PLCL1: variants seen among roughly 807,000 people sequenced by gnomAD.
PLCL1 encodes phospholipase C like 1 (inactive), also known as inactive phospholipase C-like protein 1.
PLCL1 carries 41 observed loss-of-function variants against 84.4 expected under a neutral mutation model. The ratio of observed to expected loss-of-function variants is 0.49; its 90% confidence interval spans 0.38 to 0.63. The LOEUF (loss-of-function observed/expected upper bound fraction) is 0.63. PLCL1 is among the 30% of genes least tolerant of loss of function. The probability of loss-of-function intolerance (pLI) is 0.00; values close to 1 mark genes in which losing one functional copy is unlikely to be tolerated. For synonymous variants in PLCL1, 490 were observed against 488.3 expected (o/e 1.00, Z -0.05); for missense variants, 1,206 against 1,367.8 (o/e 0.88, Z 1.87).
intron 1 of PLCL1, among the ~76,000 whole-genome samples, chr2:197,940,612 G>A (rs528154009): frequency 6.6e-6 from 1 of 152,262 alleles, no homozygotes; most frequent in East Asian, 1.9e-4. Context: ...TAAAGCCATG[G>A]ATCAGCTGCC....
At chr2:198,132,640 T>A (rs1274769667) in intron 5 of PLCL1, among the ~76,000 whole-genome samples, 2 of 152,130 alleles carry the variant, frequency 1.3e-5, no homozygotes, top group African/African-American at 4.8e-5. Context: ...CAAAGTTGAA[T>A]GGGTTTGGTG....
At chr2:197,947,986 T>C (rs1032579406) in intron 1 of PLCL1, among the ~76,000 whole-genome samples, 13 of 152,138 alleles carry the variant, frequency 8.5e-5, no homozygotes, top group African/African-American at 2.9e-4. Flanking sequence ...TTCTGGCTGC[T>C]GGTTGTAGAA....
Position 197,877,794 on chromosome 2 carries a change from A to C in PLCL1, c.240+72455A>C, listed in dbSNP as rs181361385. ...GGTTAGAATAAATGAAATAAAAATG[A>C]AATTACCGTAGTTTTGTAACAGAGT... On this transcript the variant is annotated intron_variant, in intron 1 of 5. Coordinates refer to ENST00000428675, the MANE Select transcript of PLCL1 (RefSeq NM_006226.4). Among the ~76,000 whole-genome samples, 234 of 152,244 alleles carry C rather than the reference A, an allele frequency of 1.5e-3. 2 individuals are homozygous for C. Among genetic ancestry groups the C allele is most frequent in the African/African-American group, 5.2e-3 (216 of 41,554 alleles).
chr2:198,017,740 A>G (rs1275840935), intron 1 of PLCL1, among the ~76,000 whole-genome samples: 1 of 152,208 alleles, frequency 6.6e-6, no homozygotes, highest in Non-Finnish European at 1.5e-5. Context: ...CAAAATGTTA[A>G]ACTTTATTCC....
At chr2:197,813,720 A>G (rs1690634868) in intron 1 of PLCL1, among the ~76,000 whole-genome samples, 1 of 152,158 alleles carries the variant, frequency 6.6e-6, no homozygotes, top group Admixed American at 6.5e-5. Context: ...TGATATGCAT[A>G]TTATTATTAT....
intron 5 of PLCL1, among the ~76,000 whole-genome samples, chr2:198,120,117 A>G (rs1242271004): frequency 6.6e-6 from 1 of 151,780 alleles, no homozygotes; most frequent in Non-Finnish European, 1.5e-5. Context: ...TGGGGTTGAA[A>G]TTTTGTCCTG....
chr2:197,933,260 C>CT (rs1688980519), intron 1 of PLCL1, among the ~76,000 whole-genome samples: 5 of 138,672 alleles, frequency 3.6e-5, no homozygotes, highest in Admixed American at 7.2e-5. Flanking sequence ...TTTTTTTTTT[C>CT]TTTTCTTTTT....
chr2:198,013,798 A>G (rs188111694), intron 1 of PLCL1, among the ~76,000 whole-genome samples: 34 of 152,286 alleles, frequency 2.2e-4, no homozygotes, highest in Admixed American at 2.2e-3. Context: ...GCTGAAGTAA[A>G]TTAAAACAAT....
chr2:197,983,240 G>T (rs1301794163), intron 1 of PLCL1, among the ~76,000 whole-genome samples: 1 of 22,698 alleles, frequency 4.4e-5, no homozygotes, highest in Non-Finnish European at 8.8e-5. Flanking sequence ...TTTTTTTTTT[G>T]AGACAGGGTC....
At chr2:197,864,862 G>A (rs911623863) in intron 1 of PLCL1, among the ~76,000 whole-genome samples, 1 of 152,154 alleles carries the variant, frequency 6.6e-6, no homozygotes, top group African/African-American at 2.4e-5. Flanking sequence ...TACAGAAGCG[G>A]TTAAGAACTT....
At position 198,085,900 on chromosome 2, in the gene PLCL1, C is replaced by T. The variant is rs868552410; in HGVS notation, c.2383C>T (p.Arg795Cys). The T allele has an allele frequency of 6.2e-7, 1 of 1,613,962 alleles. No individual in the cohort carries two copies. The highest frequency in any genetic ancestry group is 1.1e-5 in the South Asian group (1 of 91,050). ...AAACCTACCTGAGCTGGCCATGATC[C>T]GTTTTGTTGTTCTGGATGATGACTA... ...QVNLPELAMI[R>C]FVVLDDDYIG... Residue 795 changes from arginine (R) to cysteine (C), a missense_variant, in exon 2 of 6, where the codon CGT becomes TGT. By Grantham distance (180) the Arg-to-Cys change is radical. Transcript: ENST00000428675. The surrounding 1 kb of genome is among the most constrained non-coding windows in gnomAD (Gnocchi z 5.3).
chr2:197,994,196 A>G (rs947223783), intron 1 of PLCL1, among the ~76,000 whole-genome samples: 6 of 152,184 alleles, frequency 3.9e-5, no homozygotes, highest in South Asian at 2.1e-4. Flanking sequence ...TTCTCCAAAT[A>G]GTCTTCTGTA....
chr2:198,068,422 T>A (rs1692369418), intron 1 of PLCL1, among the ~76,000 whole-genome samples: 1 of 152,194 alleles, frequency 6.6e-6, no homozygotes, highest in South Asian at 2.1e-4. Flanking sequence ...AAGAAGAAAG[T>A]GTAATGTGAA....
At chr2:197,955,829 T>C (rs1325256620) in intron 1 of PLCL1, among the ~76,000 whole-genome samples, 1 of 150,476 alleles carries the variant, frequency 6.6e-6, no homozygotes, top group Non-Finnish European at 1.5e-5. Flanking sequence ...TTACCCTAAG[T>C]TCTGGGATAC....
chr2:198,016,762 A>G (rs551028329), intron 1 of PLCL1, among the ~76,000 whole-genome samples: 3 of 152,192 alleles, frequency 2.0e-5, no homozygotes, highest in Non-Finnish European at 2.9e-5. Flanking sequence ...GTATCAGGTT[A>G]TCCTCGGGTT....
At chr2:197,965,082 T>G (rs931559050) in intron 1 of PLCL1, among the ~76,000 whole-genome samples, 2 of 152,164 alleles carry the variant, frequency 1.3e-5, no homozygotes, top group African/African-American at 4.8e-5. Flanking sequence ...AGAATGAGCT[T>G]GGAAGTATTC....
At chr2:197,979,538 A>C (rs1413247960) in intron 1 of PLCL1, among the ~76,000 whole-genome samples, 1 of 152,228 alleles carries the variant, frequency 6.6e-6, no homozygotes, top group Non-Finnish European at 1.5e-5. Flanking sequence ...ATCTGTCTGC[A>C]GAAGAATCAT....
chr2:198,103,620 G>T (rs1693397900), intron 4 of PLCL1, among the ~76,000 whole-genome samples: 1 of 151,780 alleles, frequency 6.6e-6, no homozygotes, highest in African/African-American at 2.4e-5. Context: ...ATACAATTTA[G>T]CCTAATGCAT....
At chr2:198,064,717 G>A (rs930968686) in intron 1 of PLCL1, among the ~76,000 whole-genome samples, 1 of 152,022 alleles carries the variant, frequency 6.6e-6, no homozygotes, top group African/African-American at 2.4e-5. Flanking sequence ...TAGTTTTGTG[G>A]AACTTTGCCA....
Sources: gnomAD v4.1 joint callset for allele counts (sites outside exome capture counted in the v4.1 genomes callset) on GRCh38, gnomAD v4.1.1 for gene constraint, Gnocchi (gnomAD v3.1) non-coding constraint, MANE v1.5 for transcripts, NCBI Gene and HGNC (gene_info 2026-07-23, HGNC 2026-07-21) for gene names.